The following PSCA variants were observed in gnomAD, a reference collection of about 807,000 sequenced individuals.
PSCA encodes the protein prostate stem cell antigen.
In PSCA, 7 loss-of-function variants were observed where a neutral mutation model predicts 7.9. The observed-to-expected ratio is 0.89, with a 90% CI of 0.51 to 1.67. PSCA has a LOEUF of 1.67. Ranked by LOEUF, PSCA falls within the 40% of genes most tolerant of loss-of-function variation. The pLI is 0.00. For missense variants in PSCA, 151 were observed against 147.9 expected (o/e 1.02, Z -0.11); for synonymous variants, 61 against 68.3 (o/e 0.89, Z 0.53).
intron 1 of PSCA, among the ~76,000 whole-genome samples, chr8:142,672,900 G>T (rs1321908849): frequency 6.6e-6 from 1 of 152,138 alleles, no homozygotes; most frequent in South Asian, 2.1e-4. Flanking sequence ...GGGAAGGCTG[G>T]TCGCCCCACC....
At chr8:142,677,221 C>T (rs1313119063), upstream of PSCA, among the ~76,000 whole-genome samples, 3 of 152,180 alleles carry the variant, frequency 2.0e-5, no homozygotes, top group African/African-American at 7.2e-5. Flanking sequence ...AGGAATGTCA[C>T]AGCCATGGTC....
At chr8:142,680,927 T>C (rs373766581) in intron 1 of PSCA, 89 of 471,016 alleles carry the variant, frequency 1.9e-4, no homozygotes, top group African/African-American at 1.6e-3. Flanking sequence ...AGAAGTGGTT[T>C]TTGGGGCACA....
At chr8:142,676,056 G>C (rs2129861026), upstream of PSCA, 1 of 152,396 alleles carries the variant, frequency 6.6e-6, no homozygotes, top group African/African-American at 2.4e-5. Context: ...GAAGCCCCAG[G>C]GCCTGGTCCG....
chr8:142,682,171 T>C lies in PSCA; in HGVS notation c.*39T>C. On this transcript the variant is annotated 3_prime_UTR_variant, in exon 3 of 3. Transcript: ENST00000301258. Reference sequence around the variant, plus strand: ...CCGCTGCAGCCCACACTGGGTGTGGTGCCCCAGGCCTCTGTGCCACTCCTC... The same window carrying C: ...CCGCTGCAGCCCACACTGGGTGTGGCGCCCCAGGCCTCTGTGCCACTCCTC... 1 of 1,566,558 alleles carries C rather than the reference T, an allele frequency of 6.4e-7. No individual in the cohort carries two copies.
At chr8:142,676,378 C>T (rs1276684792), upstream of PSCA, 1 of 152,342 alleles carries the variant, frequency 6.6e-6, no homozygotes, top group Admixed American at 6.5e-5. Context: ...GGACTAGAAC[C>T]CAGGGCCGCT....
chr8:142,678,747 G>A, upstream of PSCA, among the ~76,000 whole-genome samples: 4 of 66,006 alleles, frequency 6.1e-5, no homozygotes, highest in South Asian at 4.6e-4. Flanking sequence ...GCTCTAGAGG[G>A]TCCTAGCCAC....
At chr8:142,681,787 C>A in intron 2 of PSCA, 134 bp from the exon 3 acceptor site, 1 of 683,566 alleles carries the variant, frequency 1.5e-6, no homozygotes, top group Non-Finnish European at 2.5e-6. Flanking sequence ...CAGGCCCTCG[C>A]ACTGCTTGCA....
In PSCA at chr8:142,673,270, C is replaced by T. The variant is rs587638203; in HGVS notation, n.261+2702C>T. Among the ~76,000 whole-genome samples the T allele has an allele frequency of 3.4e-4, 52 of 152,290 alleles. No homozygotes were observed. The highest frequency in any genetic ancestry group is 1.2e-3 in the African/African-American group (50 of 41,552). ...CTGCCACCTCAGGGACATGGGATCA[C>T]GTGGTCTCCCAGGACTTGGACAGTG... On this transcript the variant is annotated intron_variant and non_coding_transcript_variant, in intron 1 of 1. Coordinates refer to the PSCA transcript ENST00000505305. The surrounding 1 kb of genome is among the most constrained non-coding windows in gnomAD (Gnocchi z 4.6).
chr8:142,670,852 T>A (rs976683186), intron 1 of PSCA, among the ~76,000 whole-genome samples: 4 of 152,246 alleles, frequency 2.6e-5, no homozygotes, highest in African/African-American at 9.6e-5. Flanking sequence ...CAGTCGTCCC[T>A]GGGTATCCAT....
At chr8:142,670,992 A>G (rs587662370) in intron 1 of PSCA, among the ~76,000 whole-genome samples, 1 of 152,368 alleles carries the variant, frequency 6.6e-6, no homozygotes, top group South Asian at 2.1e-4. Context: ...CTTCTAGATT[A>G]CTTATAATAC....
chr8:142,682,514 C>T lies in PSCA; in HGVS notation c.*382C>T. The stretch of plus-strand genomic sequence containing the variant: ...GGTCCGTGGTGTCCCCCGCACCCAG[C>T]AGGGGACAGGCACTCAGGAGGGCCC... On this transcript the variant is annotated 3_prime_UTR_variant, in exon 3 of 3. Coordinates refer to ENST00000301258, the MANE Select transcript of PSCA (RefSeq NM_005672.5). 1 of 497,012 alleles carries T rather than the reference C, an allele frequency of 2.0e-6. No homozygotes were observed. The highest frequency in any genetic ancestry group is 1.6e-5 in the South Asian group (1 of 62,776). 30.8% of individuals were successfully genotyped at this position (497,012 alleles called of 1,614,324 possible). A position where few individuals can be genotyped will look rare whatever the true frequency, so the allele number is the denominator to read the frequency against.
chr8:142,671,455 G>T (rs1847325101), intron 1 of PSCA, among the ~76,000 whole-genome samples: 1 of 152,186 alleles, frequency 6.6e-6, no homozygotes, highest in South Asian at 2.1e-4. Flanking sequence ...TCTGAACCCA[G>T]AGCTGTAAGA....
chr8:142,681,478 T>C, intron 2 of PSCA, 44 bp downstream of exon 2: 1 of 1,497,606 alleles, frequency 6.7e-7, no homozygotes, highest in Non-Finnish European at 9.1e-7. Context: ...TCTCTGCCAC[T>C]GAACTATTAA....
At chr8:142,672,403 T>C (rs1216195897) in intron 1 of PSCA, among the ~76,000 whole-genome samples, 1 of 152,234 alleles carries the variant, frequency 6.6e-6, no homozygotes, top group Admixed American at 6.5e-5. Flanking sequence ...ACTGTTTTTA[T>C]TGCAGATGAT....
At chr8:142,681,260 T>C (rs2129873617) in intron 1 of PSCA, 67 bp from the exon 2 acceptor site, 1 of 1,279,246 alleles carries the variant, frequency 7.8e-7, no homozygotes, top group Non-Finnish European at 1.1e-6. Flanking sequence ...CCCACCTGCC[T>C]GGGAGCCCCC....
At chr8:142,675,197 C>A (rs1429471163) in intron 1 of PSCA, among the ~76,000 whole-genome samples, 2 of 152,202 alleles carry the variant, frequency 1.3e-5, no homozygotes, top group African/African-American at 4.8e-5. Flanking sequence ...AGTCTGAGTT[C>A]ACTCCAGGAA....
chr8:142,678,629 T>C (rs1017906083), upstream of PSCA, among the ~76,000 whole-genome samples: 1 of 152,042 alleles, frequency 6.6e-6, no homozygotes, highest in Non-Finnish European at 1.5e-5. Context: ...TAGAGGGCCA[T>C]AGCCACTGCC....
At chr8:142,672,941 T>G (rs1258596960) in intron 1 of PSCA, among the ~76,000 whole-genome samples, 1 of 152,182 alleles carries the variant, frequency 6.6e-6, no homozygotes, top group Non-Finnish European at 1.5e-5. Flanking sequence ...GGCTTCTACT[T>G]GGCCAGCACC....
chr8:142,679,570 A>G (rs1847438010), upstream of PSCA, among the ~76,000 whole-genome samples: 1 of 152,258 alleles, frequency 6.6e-6, no homozygotes. Flanking sequence ...GGGAGACATG[A>G]GACATCAATC....
Sources: allele counts gnomAD v4.1 joint callset (sites outside exome capture counted in the v4.1 genomes callset), GRCh38; gene constraint gnomAD v4.1.1; non-coding constraint Gnocchi (gnomAD v3.1); transcripts MANE v1.5; gene names NCBI Gene and HGNC (gene_info 2026-07-23, HGNC 2026-07-21).